SMARCAD1: variants seen among roughly 807,000 people sequenced by gnomAD.
SMARCAD1 encodes the protein SNF2 related chromatin remodeling ATPase with DExD box 1, also known as SWI/SNF-related matrix-associated actin-dependent regulator of chromatin subfamily A containing DEAD/H box 1.
Under a neutral mutation model 127.1 loss-of-function variants are expected in SMARCAD1, and 25 were observed. That is an observed-to-expected ratio of 0.20 (90% CI 0.14 to 0.27). SMARCAD1 has a LOEUF of 0.27. Among genes scored for constraint, SMARCAD1 ranks in the 10% least tolerant of loss-of-function variants. The probability of loss-of-function intolerance (pLI) is 1.00; values close to 1 mark genes in which losing one functional copy is unlikely to be tolerated. For missense variants in SMARCAD1, 807 were observed against 1,206.0 expected, an observed-to-expected ratio of 0.67 and a Z score of 4.90; for synonymous variants, 400 against 396.9, an observed-to-expected ratio of 1.01 and a Z score of -0.09.
At chr4:94,274,033 T>G (rs1034145085) in intron 12 of SMARCAD1, among the ~76,000 whole-genome samples, 2 of 152,212 alleles carry the variant, frequency 1.3e-5, no homozygotes, top group African/African-American at 2.4e-5. Flanking sequence ...AAATGTAGAA[T>G]TAAACAGATA....
intron 2 of SMARCAD1, among the ~76,000 whole-genome samples, chr4:94,222,895 C>T (rs1350809997): frequency 6.6e-6 from 1 of 151,940 alleles, no homozygotes; most frequent in Non-Finnish European, 1.5e-5. Context: ...ACCCGGGAGG[C>T]GGAGGTTGCA....
chr4:94,244,125 T>A (rs904695245), intron 6 of SMARCAD1, among the ~76,000 whole-genome samples: 1 of 152,142 alleles, frequency 6.6e-6, no homozygotes, highest in Admixed American at 6.5e-5. Flanking sequence ...AAAGAAAGAT[T>A]GTCAAATATT....
chr4:94,246,482 A>G (rs1311642744), intron 6 of SMARCAD1, among the ~76,000 whole-genome samples: 1 of 152,176 alleles, frequency 6.6e-6, no homozygotes, highest in Non-Finnish European at 1.5e-5. Flanking sequence ...CTAATGAAGT[A>G]TATCTTGCCT....
chr4:94,269,678 GTTGT>G (rs1438445895), intron 10 of SMARCAD1, among the ~76,000 whole-genome samples: 6 of 151,838 alleles, frequency 4.0e-5, no homozygotes, highest in Middle Eastern at 3.4e-3. Context: ...TGTTGTTGTT[GTTGT>G]AATTGAGACA....
chr4:94,249,679 A>C lies in SMARCAD1; in HGVS notation c.731A>C (p.Glu244Ala), dbSNP rs756518960. The change falls in exon 7 of 24, where the codon GAA (glutamate) becomes GCA (alanine). Residue 244 changes from glutamate to alanine, a missense_variant. This residue lies in a region of SMARCAD1 where 257 missense variants were observed against 303.4 expected (regional missense o/e 0.85). Coordinates refer to ENST00000354268, the MANE Select transcript of SMARCAD1 (RefSeq NM_020159.5). ...GGAGAGGAATCAAATGAGTCTGCAGAATCTAGCAGTAATTGGGAAAAGCAG... is the reference window on the plus strand; with the variant it reads ...GGAGAGGAATCAAATGAGTCTGCAGCATCTAGCAGTAATTGGGAAAAGCAG... ...DHGEESNESA[E>A]SSSNWEKQES... is the part of the protein sequence containing the mutation. 6.2e-7 allele frequency: 1 copy of C among 1,606,972 alleles called. No individual in the cohort carries two copies. Among genetic ancestry groups the C allele is most frequent in the Non-Finnish European group, 8.5e-7 (1 of 1,173,854 alleles).
At chr4:94,254,741 A>G (rs533077404) in intron 9 of SMARCAD1, among the ~76,000 whole-genome samples, 2 of 152,250 alleles carry the variant, frequency 1.3e-5, no homozygotes, top group East Asian at 1.9e-4. Context: ...TAAACTTTCT[A>G]CTTGAGTTCA....
chr4:94,218,688 G>A (rs1159693794), intron 2 of SMARCAD1, among the ~76,000 whole-genome samples: 2 of 152,052 alleles, frequency 1.3e-5, no homozygotes, highest in South Asian at 2.1e-4. Context: ...TATATTTAGT[G>A]TATTGTTTGT....
At chr4:94,252,545 T>A (rs1055508909) in intron 8 of SMARCAD1, 71 bp from the exon 9 acceptor site, 1 of 1,119,988 alleles carries the variant, frequency 8.9e-7, no homozygotes, top group African/African-American at 1.6e-5. Flanking sequence ...ATGTTTTAAG[T>A]TTTTATTTGA....
rs1579392918 is a variant in SMARCAD1 at position 94,287,948 on chromosome 4, C to T, written c.3020-1525C>T. Among the ~76,000 whole-genome samples, 5 of 151,920 alleles carry T rather than the reference C, an allele frequency of 3.3e-5. No homozygotes were observed. The South Asian group carries it at 1.0e-3, about 32-fold the overall frequency. Reference sequence around the variant, plus strand: ...GGAGGATCGTTTGAGCCCAGGAGTTCAAAACCAGCCTGGGCAACATAGCAA... The same window carrying T: ...GGAGGATCGTTTGAGCCCAGGAGTTTAAAACCAGCCTGGGCAACATAGCAA... On this transcript the variant is annotated intron_variant, in intron 23 of 23. Transcript: ENST00000354268.
chr4:94,278,001 A>G (rs1200978102), intron 16 of SMARCAD1, among the ~76,000 whole-genome samples: 1 of 152,138 alleles, frequency 6.6e-6, no homozygotes, highest in African/African-American at 2.4e-5. Flanking sequence ...AGACCAAGTG[A>G]TTTGCATCAG....
chr4:94,235,229 CTTTTTTTTTTTT>C (rs35123705), intron 4 of SMARCAD1, among the ~76,000 whole-genome samples: 18 of 39,306 alleles, frequency 4.6e-4, no homozygotes, highest in African/African-American at 1.5e-3. Context: ...ACCACCAATC[CTTTTTTTTTTTT>C]TTTTTTTTTT....
chr4:94,249,151 CT>C (rs1286355365), intron 6 of SMARCAD1, among the ~76,000 whole-genome samples: 3 of 151,958 alleles, frequency 2.0e-5, no homozygotes, highest in African/African-American at 7.2e-5. Flanking sequence ...ACTTAAATTC[CT>C]TTTATCATTG....
chr4:94,217,157 G>A (rs3106135), intron 2 of SMARCAD1, among the ~76,000 whole-genome samples: 57,701 of 151,836 alleles, frequency 0.38, 11,965 homozygotes, highest in East Asian at 0.71. Flanking sequence ...TTTGGGTTTC[G>A]TGTTGATTTT....
chr4:94,214,285 GAC>G (rs1237478190), intron 2 of SMARCAD1, among the ~76,000 whole-genome samples: 3 of 133,052 alleles, frequency 2.3e-5, no homozygotes, highest in Non-Finnish European at 1.6e-5. Flanking sequence ...TTTTTTTTGA[GAC>G]AGTTTCACTC....
intron 16 of SMARCAD1, 87 bp downstream of exon 16, chr4:94,277,246 A>G (rs1753434042): frequency 2.8e-6 from 4 of 1,449,102 alleles, no homozygotes; most frequent in Non-Finnish European, 2.9e-6. Flanking sequence ...TGTTGTTTTC[A>G]TAGTGCATAT....
At position 94,273,506 on chromosome 4, in the gene SMARCAD1, G is replaced by C. The variant is rs182632302; in HGVS notation, c.1573-111G>C. On this transcript the variant is annotated intron_variant, in intron 11 of 23. Coordinates refer to ENST00000354268, the MANE Select transcript of SMARCAD1 (RefSeq NM_020159.5). Reference sequence around the variant, plus strand: ...AGAAATTCCTTTAGAGTTGCATTCTGGGAAATCAAAAGTGAATACAGCACA... The same window carrying C: ...AGAAATTCCTTTAGAGTTGCATTCTCGGAAATCAAAAGTGAATACAGCACA... 6 of 772,572 alleles carry C rather than the reference G, an allele frequency of 7.8e-6. No individual in the cohort carries two copies. The African/African-American group carries it at 8.7e-5, about 11-fold the overall frequency. 47.9% of individuals were successfully genotyped at this position (772,572 alleles called of 1,614,324 possible).
intron 10 of SMARCAD1, among the ~76,000 whole-genome samples, chr4:94,268,144 A>C (rs904112006): frequency 1.3e-5 from 2 of 152,216 alleles, no homozygotes; most frequent in African/African-American, 4.8e-5. Flanking sequence ...ATATTTTTAT[A>C]ACAAATATTT....
At chr4:94,242,032 T>G (rs1348898736) in intron 6 of SMARCAD1, among the ~76,000 whole-genome samples, 3 of 151,966 alleles carry the variant, frequency 2.0e-5, no homozygotes, top group African/African-American at 7.2e-5. Context: ...AACTTCTTTT[T>G]TTTTGTTTTG....
chr4:94,233,022 CT>C (rs1746090189), intron 3 of SMARCAD1, among the ~76,000 whole-genome samples: 2 of 152,206 alleles, frequency 1.3e-5, no homozygotes, highest in Non-Finnish European at 2.9e-5. Flanking sequence ...TGGAAATTTG[CT>C]TTTAGATGTT....
Sources: gnomAD v4.1 joint callset for allele counts (sites outside exome capture counted in the v4.1 genomes callset) on GRCh38, gnomAD v4.1.1 for gene constraint, gnomAD v4.1.1 regional missense constraint, MANE v1.5 for transcripts, NCBI Gene and HGNC (gene_info 2026-07-23, HGNC 2026-07-21) for gene names.